The following CFAP61 variants were observed in gnomAD, a reference collection of about 807,000 sequenced individuals.
The protein encoded by CFAP61 is cilia and flagella associated protein 61, also known as cilia- and flagella-associated protein 61.
Under a neutral mutation model 135.6 loss-of-function variants are expected in CFAP61, and 107 were observed. The observed-to-expected ratio is 0.79, with a 90% CI of 0.67 to 0.93. The LOEUF (loss-of-function observed/expected upper bound fraction) is 0.93. Among genes scored for constraint, CFAP61 ranks in the 40% least tolerant of loss-of-function variants. The pLI, the probability that CFAP61 is intolerant of heterozygous loss-of-function variation, is 0.00. For synonymous variants in CFAP61, 575 were observed against 578.5 expected (o/e 0.99, Z 0.09); for missense variants, 1,507 against 1,556.2 (o/e 0.97, Z 0.53).
chr20:20,145,779 A>T (rs1421916355), intron 9 of CFAP61, among the ~76,000 whole-genome samples: 1 of 152,226 alleles, frequency 6.6e-6, no homozygotes, highest in Non-Finnish European at 1.5e-5. Flanking sequence ...ACTATAAGAG[A>T]TAACAAAGGC....
intron 25 of CFAP61, among the ~76,000 whole-genome samples, chr20:20,304,715 C>T (rs1213854593): frequency 2.0e-5 from 3 of 151,966 alleles, no homozygotes; most frequent in Admixed American, 1.3e-4. Flanking sequence ...GGACACCGGG[C>T]GCGAAAGGAC....
At chr20:20,210,402 G>A (rs1463774844) in intron 17 of CFAP61, among the ~76,000 whole-genome samples, 16 of 152,308 alleles carry the variant, frequency 1.1e-4, no homozygotes, top group African/African-American at 3.6e-4. Context: ...AGGCTTTTCA[G>A]ACTCAAAAAA....
intron 8 of CFAP61, among the ~76,000 whole-genome samples, chr20:20,130,870 C>A (rs1393512052): frequency 6.6e-6 from 1 of 151,814 alleles, no homozygotes; most frequent in African/African-American, 2.4e-5. Flanking sequence ...GATAGTCCCA[C>A]CTCCCCACTT....
Position 20,298,385 on chromosome 20 carries a change from A to G in CFAP61, c.3421A>G (p.Ser1141Gly), listed in dbSNP as rs2055807928. ...TGAAAACCTGATCACAGATCTCTATAGGTGAGTTGGACATTGCATTTGACT... is the reference window on the plus strand; with the variant it reads ...TGAAAACCTGATCACAGATCTCTATGGGTGAGTTGGACATTGCATTTGACT... ...YDENLITDLY[S>G]YFTEPWCLAL... The change falls in exon 25 of 27, where the codon AGC (serine) becomes GGC (glycine). Residue 1141 changes from serine (S) to glycine (G), a missense_variant and splice_region_variant. By Grantham distance (56) the Ser-to-Gly change is moderately conservative (BLOSUM62 0). Transcript: ENST00000245957. The G allele has an allele frequency of 3.1e-6, 5 of 1,612,614 alleles. No individual in the cohort carries two copies. Among genetic ancestry groups the G allele is most frequent in the African/African-American group, 2.7e-5 (2 of 75,020 alleles).
rs765346639 is a variant in CFAP61, at chr20:20,136,975, G to A, written c.860-5882G>A. Reference sequence around the variant, plus strand: ...TATATCTGCATTAGGTGGGTACACAGAGCCCAGTAACATTTTGGTTCTTGC... The same window carrying A: ...TATATCTGCATTAGGTGGGTACACAAAGCCCAGTAACATTTTGGTTCTTGC... On this transcript the variant is annotated intron_variant, in intron 8 of 26. Transcript: ENST00000245957. 1.7e-3 allele frequency among the ~76,000 whole-genome samples: 252 copies of A among 152,262 alleles called. 1 individual carries two copies. Among genetic ancestry groups the A allele is most frequent in the Non-Finnish European group, 2.9e-3 (199 of 68,022 alleles).
intron 7 of CFAP61, among the ~76,000 whole-genome samples, chr20:20,096,975 C>G (rs895041806): frequency 1.3e-5 from 2 of 152,112 alleles, no homozygotes; most frequent in Non-Finnish European, 2.9e-5. Context: ...AAAAATTCCC[C>G]TCATATTTCA....
chr20:20,133,972 A>G (rs550884770), intron 8 of CFAP61, among the ~76,000 whole-genome samples: 22 of 152,336 alleles, frequency 1.4e-4, no homozygotes, highest in African/African-American at 5.3e-4. Flanking sequence ...ACCTCTTGTC[A>G]TTCATTCAGT....
intron 17 of CFAP61, among the ~76,000 whole-genome samples, chr20:20,207,271 C>T (rs2056896964): frequency 6.6e-6 from 1 of 152,142 alleles, no homozygotes; most frequent in African/African-American, 2.4e-5. Context: ...GTTTGACCCA[C>T]CTTTAGTAAT....
intron 13 of CFAP61, among the ~76,000 whole-genome samples, chr20:20,184,356 A>G (rs1004112829): frequency 3.9e-5 from 6 of 152,192 alleles, no homozygotes; most frequent in Admixed American, 3.9e-4. Flanking sequence ...TGCTCTAGCC[A>G]TGAGGTGGCA....
rs564831866 is a variant in CFAP61 at position 20,160,235 on chromosome 20, G to T, written c.1026+791G>T. Among the ~76,000 whole-genome samples the T allele has an allele frequency of 3.5e-4, 53 of 152,322 alleles. No individual in the cohort carries two copies. The South Asian group carries it at 0.011, about 32-fold the overall frequency. ...AGTAGTTTCCCAAGAGCCTCTTGGT[G>T]ATGGATGGACTGACTCAGCAACAGA... is the stretch of plus-strand genomic sequence containing the variant. On this transcript the variant is annotated intron_variant, in intron 10 of 26. Transcript: ENST00000245957.
chr20:20,150,261 G>T (rs1021366434), intron 9 of CFAP61, among the ~76,000 whole-genome samples: 21 of 152,040 alleles, frequency 1.4e-4, no homozygotes, highest in Admixed American at 1.4e-3. Flanking sequence ...ACACCTGATA[G>T]TATTTCTCTA....
chr20:20,159,207 C>T (rs1011917138), intron 9 of CFAP61, among the ~76,000 whole-genome samples, 163 bp from the exon 10 acceptor site: 1 of 152,184 alleles, frequency 6.6e-6, no homozygotes, highest in Admixed American at 6.5e-5. Flanking sequence ...TTCTCATCCC[C>T]TTTTCACAGA....
chr20:20,104,678 G>A (rs1294333714), intron 8 of CFAP61, among the ~76,000 whole-genome samples: 1 of 152,176 alleles, frequency 6.6e-6, no homozygotes, highest in Non-Finnish European at 1.5e-5. Context: ...CCAGGACTTA[G>A]TCTGCCAGGG....
At chr20:20,138,446 C>T (rs925049136) in intron 8 of CFAP61, among the ~76,000 whole-genome samples, 7 of 152,194 alleles carry the variant, frequency 4.6e-5, no homozygotes, top group Non-Finnish European at 7.3e-5. Flanking sequence ...TGCAAATGCT[C>T]CCTCTTGGGG....
intron 17 of CFAP61, chr20:20,201,043 CTCAA>C (rs2056592713): frequency 2.6e-6 from 2 of 774,252 alleles, no homozygotes; most frequent in South Asian, 5.9e-5. Flanking sequence ...AGCAGGACTT[CTCAA>C]TCTATCTGTC....
In CFAP61 at chr20:20,086,148, C is replaced by CT. The variant is rs879817698; in HGVS notation, c.567-4684dup. Among the ~76,000 whole-genome samples the CT allele has an allele frequency of 2.4e-3, 348 of 142,530 alleles. 1 individual carries two copies. Among genetic ancestry groups the CT allele is most frequent in the African/African-American group, 6.7e-3 (258 of 38,498 alleles). 93.5% of individuals were successfully genotyped at this position (142,530 alleles called of 152,430 possible). The stretch of plus-strand genomic sequence containing the variant: ...AGCATTGAAGTGACTTTGCCAGTTT[C>CT]TTTTTTTTTTTTCTTTCAAATTTTA... On this transcript the variant is annotated intron_variant, in intron 6 of 26. Coordinates refer to ENST00000245957, the MANE Select transcript of CFAP61 (RefSeq NM_015585.4).
chr20:20,359,858 T>C lies in CFAP61; in HGVS notation c.3514-352T>C, dbSNP rs1445213984. On this transcript the variant is annotated intron_variant, in intron 26 of 26. Coordinates refer to ENST00000245957, the MANE Select transcript of CFAP61 (RefSeq NM_015585.4). This position sits in a 1 kb window ranked among gnomAD's most constrained non-coding sequence, Gnocchi z 4.0. ...TGAGATGCCTGCGTAGTCACATTCA[T>C]AGAGACAGAGGTGGTTTCCAGGGCC... Among the ~76,000 whole-genome samples the C allele has an allele frequency of 6.6e-6, 1 of 152,106 alleles. No individual in the cohort carries two copies. The highest frequency in any genetic ancestry group is 1.5e-5 in the Non-Finnish European group (1 of 68,024).
chr20:20,358,582 A>G (rs2059360757), intron 26 of CFAP61, among the ~76,000 whole-genome samples: 1 of 152,176 alleles, frequency 6.6e-6, no homozygotes, highest in Non-Finnish European at 1.5e-5. Context: ...GTGGCACCCA[A>G]AGTTTTCAGA....
chr20:20,052,712 G>T, intron 1 of CFAP61, 121 bp downstream of exon 1: 1 of 1,609,176 alleles, frequency 6.2e-7, no homozygotes, highest in Non-Finnish European at 8.5e-7. Context: ...GCTCTGTCGA[G>T]CCGTGGCGCC....
Sources: gnomAD v4.1 joint callset for allele counts (sites outside exome capture counted in the v4.1 genomes callset) on GRCh38, gnomAD v4.1.1 for gene constraint, Gnocchi (gnomAD v3.1) non-coding constraint, MANE v1.5 for transcripts, NCBI Gene and HGNC (gene_info 2026-07-23, HGNC 2026-07-21) for gene names.